EIF2AK2: variants seen among roughly 807,000 people sequenced by gnomAD.
EIF2AK2 encodes eukaryotic translation initiation factor 2 alpha kinase 2, also known as interferon-induced, double-stranded RNA-activated protein kinase.
Under a neutral mutation model 70.5 loss-of-function variants are expected in EIF2AK2, and 40 were observed. That is an observed-to-expected ratio of 0.57 (90% CI 0.44 to 0.74). The LOEUF (loss-of-function observed/expected upper bound fraction) is 0.74. Ranked by LOEUF, EIF2AK2 falls within the 30% of genes least tolerant of loss-of-function variation. The probability of loss-of-function intolerance (pLI) is 0.00; values close to 1 mark genes in which losing one functional copy is unlikely to be tolerated. For missense variants in EIF2AK2, 555 were observed against 644.3 expected, an observed-to-expected ratio of 0.86 and a Z score of 1.50; for synonymous variants, 198 against 220.9, an observed-to-expected ratio of 0.90 and a Z score of 0.92.
At position 37,155,919 on chromosome 2, in the gene EIF2AK2, G is replaced by A. The variant is rs188383252; in HGVS notation, c.-184+989C>T. Among the ~76,000 whole-genome samples the A allele has an allele frequency of 2.5e-3, 364 of 145,740 alleles. 1 individual carries two copies. The highest frequency in any genetic ancestry group is 9.1e-3 in the African/African-American group (355 of 39,206). ...TCGTGCCACTGCATTCCAGCCTGGC[G>A]ACAGAGTGAGAATCTGTCTCAAAAA... On this transcript the variant is annotated intron_variant, in intron 1 of 16. Coordinates refer to ENST00000233057, the MANE Select transcript of EIF2AK2 (RefSeq NM_001135651.3).
In EIF2AK2 at chr2:37,126,467, C is replaced by G. The variant is rs565479362; in HGVS notation, c.786-56G>C. 4.5e-6 allele frequency: 7 copies of G among 1,571,312 alleles called. No homozygotes were observed. In the East Asian group the frequency reaches 9.2e-5, roughly 21 times the overall value. ...ATTTCATGCTCAACCCCCACCCCCC[C>G]GCCTCCCCACTCCTTTCCCTTTAAT... On this transcript the variant is annotated intron_variant, in intron 10 of 16. Coordinates refer to ENST00000233057, the MANE Select transcript of EIF2AK2 (RefSeq NM_001135651.3).
intron 2 of EIF2AK2, 91 bp from the exon 3 acceptor site, chr2:37,147,913 G>C: frequency 1.3e-6 from 1 of 788,022 alleles, no homozygotes; most frequent in Middle Eastern, 2.4e-4. Flanking sequence ...GAGGGGTTGG[G>C]GAGACTCCCC....
rs957205698 is a variant in EIF2AK2, at chr2:37,101,922, C to A, written c.*5351G>T. The A allele has an allele frequency of 6.6e-6, 1 of 151,974 alleles. No homozygotes were observed. Among genetic ancestry groups the A allele is most frequent in the Non-Finnish European group, 1.5e-5 (1 of 68,024 alleles). The allele number at this position is 151,974 out of a possible 1,614,324, so 9.4% of individuals were successfully genotyped here. A position where few individuals can be genotyped will look rare whatever the true frequency, so the allele number is the denominator to read the frequency against. ...CTAGAGATACATTTTAAAGTACTTA[C>A]AAGTGCAATGATGTAACACCTGAGA... On this transcript the variant is annotated 3_prime_UTR_variant, in exon 17 of 17. Coordinates refer to ENST00000233057, the MANE Select transcript of EIF2AK2 (RefSeq NM_001135651.3).
At chr2:37,110,019 A>G (rs146846046) in intron 14 of EIF2AK2, among the ~76,000 whole-genome samples, 12 of 152,228 alleles carry the variant, frequency 7.9e-5, no homozygotes, top group African/African-American at 2.9e-4. Context: ...AAACGAAAAA[A>G]TATACACTTA....
rs551125457 is a variant in EIF2AK2 at position 37,131,471 on chromosome 2, A to G, written c.785+4013T>C. On this transcript the variant is annotated intron_variant, in intron 10 of 16. Transcript: ENST00000233057. ...TTCAGGTGTTTTCTTCTCACAGTCT[A>G]TAAGATATGCTCAGCCATAAGGCGC... Among the ~76,000 whole-genome samples, 4 of 152,254 alleles carry G rather than the reference A, an allele frequency of 2.6e-5. No homozygotes were observed. In the East Asian group the frequency reaches 7.7e-4, roughly 29 times the overall value.
At position 37,147,771 on chromosome 2, in the gene EIF2AK2, C is replaced by T; in HGVS notation, c.36G>A (p.Glu12=). The change falls in exon 3 of 17, where the codon GAG becomes GAA. Residue 12 remains glutamate, a synonymous_variant. Coordinates refer to ENST00000233057, the MANE Select transcript of EIF2AK2 (RefSeq NM_001135651.3). The part of the protein sequence containing the change: ...AGDLSAGFFM[E]ELNTYRQKQG... Reference sequence around the variant, plus strand: ...GCTTCTGACGGTATGTATTAAGTTCCTCCATGAAGAAACCTGCTGAAAGAT... The same window carrying T: ...GCTTCTGACGGTATGTATTAAGTTCTTCCATGAAGAAACCTGCTGAAAGAT... 6.2e-7 allele frequency: 1 copy of T among 1,613,414 alleles called. No individual in the cohort carries two copies. The highest frequency in any genetic ancestry group is 8.5e-7 in the Non-Finnish European group (1 of 1,179,636).
intron 11 of EIF2AK2, among the ~76,000 whole-genome samples, chr2:37,125,500 G>A (rs571567111): frequency 4.6e-5 from 7 of 152,338 alleles, no homozygotes; most frequent in Non-Finnish European, 1.0e-4. Flanking sequence ...TCTTTTGGAT[G>A]ACTTGTTCTG....
intron 10 of EIF2AK2, among the ~76,000 whole-genome samples, chr2:37,135,021 A>T (rs1282447721): frequency 6.6e-6 from 1 of 152,218 alleles, no homozygotes; most frequent in African/African-American, 2.4e-5. Context: ...TTTCCACAGA[A>T]TTACAGGGTT....
At chr2:37,111,875 AAAAATAT>A (rs1237033553) in intron 14 of EIF2AK2, among the ~76,000 whole-genome samples, 52 of 40,138 alleles carry the variant, frequency 1.3e-3, no homozygotes, top group Non-Finnish European at 2.1e-3. Context: ...AAAAAAAAAA[AAAAATAT>A]ATATATATAT....
chr2:37,124,562 C>A (rs774679648), intron 11 of EIF2AK2, among the ~76,000 whole-genome samples: 8 of 151,918 alleles, frequency 5.3e-5, no homozygotes, highest in Non-Finnish European at 7.4e-5. Flanking sequence ...CCTGGCCCAG[C>A]CAGTCATTTT....
chr2:37,153,766 T>C (rs1675826202), intron 1 of EIF2AK2, among the ~76,000 whole-genome samples: 1 of 152,232 alleles, frequency 6.6e-6, no homozygotes, highest in African/African-American at 2.4e-5. Flanking sequence ...CTTTTGGCCA[T>C]CTTGAATCAT....
intron 2 of EIF2AK2, among the ~76,000 whole-genome samples, chr2:37,148,250 A>T (rs1324751513): frequency 6.6e-6 from 1 of 152,220 alleles, no homozygotes; most frequent in Admixed American, 6.5e-5. Context: ...GCTTCCACTG[A>T]GTATCAACTA....
At position 37,101,716 on chromosome 2, in the gene EIF2AK2, A is replaced by C. The variant is rs1673831348; in HGVS notation, c.*5557T>G. 6.6e-6 allele frequency: 1 copy of C among 152,202 alleles called. No individual in the cohort carries two copies. Among genetic ancestry groups the C allele is most frequent in the Non-Finnish European group, 1.5e-5 (1 of 68,034 alleles). 9.4% of individuals were successfully genotyped at this position (152,202 alleles called of 1,614,324 possible). A position where few individuals can be genotyped will look rare whatever the true frequency, so the allele number is the denominator to read the frequency against. On this transcript the variant is annotated 3_prime_UTR_variant, in exon 17 of 17. Coordinates refer to ENST00000233057, the MANE Select transcript of EIF2AK2 (RefSeq NM_001135651.3). ...CGAAAAGAACTAAAACGCAGGGGTA[A>C]ATTTTACAGAGTAAAGGAGACACAT...
At chr2:37,122,145 C>T (rs574818922) in intron 12 of EIF2AK2, among the ~76,000 whole-genome samples, 1 of 144,992 alleles carries the variant, frequency 6.9e-6, no homozygotes, top group East Asian at 2.4e-4. Context: ...AGGGAGCCCC[C>T]AGATGCAGCA....
chr2:37,132,432 A>G (rs1435406920), intron 10 of EIF2AK2, among the ~76,000 whole-genome samples: 1 of 152,152 alleles, frequency 6.6e-6, no homozygotes, highest in African/African-American at 2.4e-5. Flanking sequence ...TCTACTAAAA[A>G]TACAAAATTA....
At chr2:37,129,172 A>G (rs1360474050) in intron 10 of EIF2AK2, among the ~76,000 whole-genome samples, 3 of 152,212 alleles carry the variant, frequency 2.0e-5, no homozygotes, top group African/African-American at 7.2e-5. Flanking sequence ...AAAAAATTCA[A>G]GAGGACAAAC....
chr2:37,117,430 G>C (rs1012925028), intron 13 of EIF2AK2, among the ~76,000 whole-genome samples: 4 of 151,732 alleles, frequency 2.6e-5, no homozygotes, highest in Non-Finnish European at 4.4e-5. Context: ...CCAGCTATGT[G>C]GGGGGCCGAG....
chr2:37,101,048 C>T lies in EIF2AK2; in HGVS notation c.*6225G>A, dbSNP rs1558401758. 6.6e-6 allele frequency: 1 copy of T among 152,226 alleles called. No homozygotes were observed. Among genetic ancestry groups the T allele is most frequent in the African/African-American group, 2.4e-5 (1 of 41,450 alleles). 9.4% of individuals were successfully genotyped at this position (152,226 alleles called of 1,614,324 possible). Reference sequence around the variant, plus strand: ...GCTTACCTTTCCTTAATCCCCACATCCAATTAGTTGCCAACTCCTCTTGGT... The same window carrying T: ...GCTTACCTTTCCTTAATCCCCACATTCAATTAGTTGCCAACTCCTCTTGGT... On this transcript the variant is annotated 3_prime_UTR_variant, in exon 17 of 17. Transcript: ENST00000233057.
At chr2:37,114,672 T>C in intron 14 of EIF2AK2, 59 bp downstream of exon 14, 1 of 1,426,060 alleles carries the variant, frequency 7.0e-7, no homozygotes, top group Non-Finnish European at 9.2e-7. Flanking sequence ...GTGTCTACTC[T>C]TTTTATAATT....
Sources: gnomAD v4.1 joint callset for allele counts (sites outside exome capture counted in the v4.1 genomes callset) on GRCh38, gnomAD v4.1.1 for gene constraint, MANE v1.5 for transcripts, NCBI Gene and HGNC (gene_info 2026-07-23, HGNC 2026-07-21) for gene names.